ARHGAP10: variants seen among roughly 807,000 people sequenced by gnomAD.
ARHGAP10 encodes Rho GTPase activating protein 10.
Under a neutral mutation model 108.6 loss-of-function variants are expected in ARHGAP10, and 87 were observed. That is an observed-to-expected ratio of 0.80 (90% CI 0.67 to 0.96). The LOEUF (loss-of-function observed/expected upper bound fraction) is 0.96. ARHGAP10 is among the 40% of genes least tolerant of loss of function. The pLI is 0.00. For synonymous variants in ARHGAP10, 347 were observed against 341.1 expected, an observed-to-expected ratio of 1.02 and a Z score of -0.19; for missense variants, 939 against 954.5, an observed-to-expected ratio of 0.98 and a Z score of 0.21.
At chr4:147,815,754 T>C (rs761371019) in intron 1 of ARHGAP10, among the ~76,000 whole-genome samples, 9 of 152,062 alleles carry the variant, frequency 5.9e-5, no homozygotes, top group Admixed American at 2.0e-4. Flanking sequence ...TAGTCCCAGC[T>C]ACTCAAGAGG....
chr4:147,815,016 A>G (rs376721213), intron 1 of ARHGAP10, among the ~76,000 whole-genome samples: 79 of 152,284 alleles, frequency 5.2e-4, no homozygotes, highest in African/African-American at 1.7e-3. Flanking sequence ...AAGAAGCTTA[A>G]AAGATTTGTT....
intron 4 of ARHGAP10, among the ~76,000 whole-genome samples, chr4:147,853,920 G>C (rs992015785): frequency 2.0e-5 from 3 of 152,036 alleles, no homozygotes; most frequent in African/African-American, 7.2e-5. Context: ...CTGCTTCCCA[G>C]TAAACAGTCA....
At chr4:147,838,202 C>T (rs901185712) in intron 3 of ARHGAP10, among the ~76,000 whole-genome samples, 5 of 152,184 alleles carry the variant, frequency 3.3e-5, no homozygotes, top group Admixed American at 3.3e-4. Context: ...CCACATCTGC[C>T]TGAGTTCTTT....
chr4:147,997,650 G>T (rs2149641516), intron 18 of ARHGAP10, among the ~76,000 whole-genome samples: 1 of 152,198 alleles, frequency 6.6e-6, no homozygotes, highest in East Asian at 1.9e-4. Flanking sequence ...TAACTTTAAT[G>T]GTAAAACAAC....
At chr4:147,974,307 C>T (rs1256716901) in intron 18 of ARHGAP10, among the ~76,000 whole-genome samples, 1 of 152,022 alleles carries the variant, frequency 6.6e-6, no homozygotes, top group Admixed American at 6.6e-5. Flanking sequence ...TCATATACCT[C>T]ATTCTTATAT....
At position 147,906,869 on chromosome 4, in the gene ARHGAP10, A is replaced by G. The variant is rs1272307856; in HGVS notation, c.1116+150A>G. On this transcript the variant is annotated intron_variant, in intron 11 of 22. Transcript: ENST00000336498. ...TCGTGGAAGCATTCAACATTCTAGT[A>G]ATTTGGGTTGGGCAAGCAGCAGTAC... 3 of 912,568 alleles carry G rather than the reference A, an allele frequency of 3.3e-6. No individual in the cohort carries two copies. The East Asian group carries it at 7.8e-5, about 24-fold the overall frequency. 56.5% of individuals were successfully genotyped at this position (912,568 alleles called of 1,614,324 possible). A position where few individuals can be genotyped will look rare whatever the true frequency, so the allele number is the denominator to read the frequency against.
At chr4:148,043,746 G>GTA (rs34694852) in intron 19 of ARHGAP10, among the ~76,000 whole-genome samples, 78 of 137,808 alleles carry the variant, frequency 5.7e-4, no homozygotes, top group African/African-American at 2.0e-3. Context: ...GTATATATAT[G>GTA]TATATATGTA....
chr4:147,847,044 A>T, intron 3 of ARHGAP10, 107 bp from the exon 4 acceptor site: 1 of 839,584 alleles, frequency 1.2e-6, no homozygotes, highest in Non-Finnish European at 1.9e-6. Flanking sequence ...GCCGTTAAAT[A>T]CGTTCATTTT....
chr4:147,885,348 C>T (rs1735502302), intron 10 of ARHGAP10, among the ~76,000 whole-genome samples: 1 of 152,148 alleles, frequency 6.6e-6, no homozygotes, highest in East Asian at 1.9e-4. Context: ...TACATGGCAG[C>T]AGGCAAGAGA....
At chr4:147,770,429 G>C (rs2126717729) in intron 1 of ARHGAP10, among the ~76,000 whole-genome samples, 1 of 152,262 alleles carries the variant, frequency 6.6e-6, no homozygotes, top group Non-Finnish European at 1.5e-5. Context: ...GGAGGCTGAG[G>C]CATGAGAATT....
intron 1 of ARHGAP10, among the ~76,000 whole-genome samples, chr4:147,745,683 G>C (rs1272731674): frequency 6.6e-6 from 1 of 151,972 alleles, no homozygotes; most frequent in Non-Finnish European, 1.5e-5. Flanking sequence ...AGTAGAGACG[G>C]GGTTTCACCG....
At chr4:147,766,807 T>C (rs1729840181) in intron 1 of ARHGAP10, among the ~76,000 whole-genome samples, 2 of 3,984 alleles carry the variant, frequency 5.0e-4, no homozygotes, top group African/African-American at 6.5e-4. Context: ...CACATATATA[T>C]ATATATATAT....
At chr4:147,775,604 G>A (rs78414658) in intron 1 of ARHGAP10, among the ~76,000 whole-genome samples, 1,947 of 152,294 alleles carry the variant, frequency 0.013, 19 homozygotes, top group Non-Finnish European at 0.018. Context: ...TCACCCAGAA[G>A]GCAGAGTGGG....
chr4:147,978,115 C>T (rs1319815044), intron 18 of ARHGAP10, among the ~76,000 whole-genome samples: 2 of 152,042 alleles, frequency 1.3e-5, no homozygotes, highest in African/African-American at 4.8e-5. Flanking sequence ...AATAATGCTG[C>T]GATTAACATA....
At chr4:147,906,842 C>A in intron 11 of ARHGAP10, 123 bp downstream of exon 11, 1 of 1,148,014 alleles carries the variant, frequency 8.7e-7, no homozygotes, top group Non-Finnish European at 1.3e-6. Flanking sequence ...TTCCAAAAAT[C>A]ATCGTGGAAG....
At chr4:147,814,383 G>C (rs745702053) in intron 1 of ARHGAP10, among the ~76,000 whole-genome samples, 2 of 152,002 alleles carry the variant, frequency 1.3e-5, no homozygotes, top group African/African-American at 4.8e-5. Context: ...GTAACTGTTG[G>C]CTTTGATTGG....
chr4:147,775,435 G>A (rs1730246039), intron 1 of ARHGAP10, among the ~76,000 whole-genome samples: 1 of 152,194 alleles, frequency 6.6e-6, no homozygotes, highest in African/African-American at 2.4e-5. Context: ...GTTGTCTTAG[G>A]GGCCAGCTTC....
At chr4:147,846,265 A>T (rs2126816513) in intron 3 of ARHGAP10, among the ~76,000 whole-genome samples, 1 of 152,250 alleles carries the variant, frequency 6.6e-6, no homozygotes. Context: ...ATCTTTTCCT[A>T]TTCCAAATCA....
rs186041558 is a variant in ARHGAP10, at chr4:147,799,052, C to A, written c.155-23675C>A. Among the ~76,000 whole-genome samples the A allele has an allele frequency of 6.7e-5, 10 of 149,362 alleles. No homozygotes were observed. The East Asian group carries it at 2.0e-3, about 29-fold the overall frequency. Reference sequence around the variant, plus strand: ...CTTTTTGTCCTTTTTTTTTTCTCTTCGAGATGGAGTCTCACTCTGTCACCC... The same window carrying A: ...CTTTTTGTCCTTTTTTTTTTCTCTTAGAGATGGAGTCTCACTCTGTCACCC... On this transcript the variant is annotated intron_variant, in intron 1 of 22. Coordinates refer to ENST00000336498, the MANE Select transcript of ARHGAP10 (RefSeq NM_024605.4).
Sources: allele counts gnomAD v4.1 joint callset (sites outside exome capture counted in the v4.1 genomes callset), GRCh38; gene constraint gnomAD v4.1.1; transcripts MANE v1.5; gene names NCBI Gene and HGNC (gene_info 2026-07-23, HGNC 2026-07-21).